The following CNTN5 variants were observed in gnomAD, a reference collection of about 807,000 sequenced individuals.
CNTN5 encodes contactin 5.
A neutral mutation model predicts 129.1 loss-of-function variants in CNTN5; 77 were observed. The observed-to-expected ratio is 0.60, with a 90% CI of 0.50 to 0.72. The LOEUF is 0.72. Ranked by LOEUF, CNTN5 falls within the 30% of genes least tolerant of loss-of-function variation. The pLI is 0.00. For missense variants in CNTN5, 1,478 were observed against 1,328.8 expected (o/e 1.11, Z -1.75); for synonymous variants, 509 against 465.6 (o/e 1.09, Z -1.20).
At chr11:100,317,660 T>C (rs1951596285) in intron 21 of CNTN5, among the ~76,000 whole-genome samples, 1 of 152,182 alleles carries the variant, frequency 6.6e-6, no homozygotes, top group African/African-American at 2.4e-5. Context: ...CAAAAGCAAA[T>C]TGAAGTAATA....
At chr11:100,153,523 C>CGTATT (rs1947134941) in intron 13 of CNTN5, among the ~76,000 whole-genome samples, 2 of 151,848 alleles carry the variant, frequency 1.3e-5, no homozygotes, top group Non-Finnish European at 2.9e-5. Context: ...TGATGTACTT[C>CGTATT]GTATTCTTGT....
chr11:100,212,617 G>T (rs571239241), intron 15 of CNTN5, among the ~76,000 whole-genome samples: 1 of 152,252 alleles, frequency 6.6e-6, no homozygotes, highest in South Asian at 2.1e-4. Context: ...TTTCTAGTTA[G>T]CTGTACGACC....
At chr11:99,898,752 T>G (rs1949275173) in intron 6 of CNTN5, among the ~76,000 whole-genome samples, 1 of 151,996 alleles carries the variant, frequency 6.6e-6, no homozygotes, top group South Asian at 2.1e-4. Flanking sequence ...TTACTACTTT[T>G]TATCTTTATT....
chr11:99,786,053 G>A (rs1355339772), intron 3 of CNTN5, among the ~76,000 whole-genome samples: 2 of 152,098 alleles, frequency 1.3e-5, no homozygotes, highest in Non-Finnish European at 2.9e-5. Flanking sequence ...TAGGAAGAGA[G>A]GAAGTCAAAT....
intron 6 of CNTN5, among the ~76,000 whole-genome samples, chr11:99,882,182 A>G (rs1392592391): frequency 6.6e-6 from 1 of 152,208 alleles, no homozygotes; most frequent in Non-Finnish European, 1.5e-5. Context: ...ATACATAGAT[A>G]ACACCCTTAA....
intron 3 of CNTN5, among the ~76,000 whole-genome samples, chr11:99,713,008 C>G (rs879961552): frequency 6.6e-6 from 1 of 151,766 alleles, no homozygotes; most frequent in Non-Finnish European, 1.5e-5. Context: ...TTGTTTTTGC[C>G]AATTCTGTGA....
chr11:99,991,000 G>T (rs1282684941), intron 8 of CNTN5, among the ~76,000 whole-genome samples: 1 of 152,158 alleles, frequency 6.6e-6, no homozygotes, highest in Non-Finnish European at 1.5e-5. Flanking sequence ...ATCACAGGTA[G>T]ATATTTAATA....
intron 1 of CNTN5, among the ~76,000 whole-genome samples, chr11:99,293,575 T>G (rs990060824): frequency 6.6e-6 from 1 of 152,160 alleles, no homozygotes; most frequent in African/African-American, 2.4e-5. Context: ...GGGAGAACTT[T>G]TATTACTACT....
At chr11:99,830,541 C>A (rs183085566) in intron 4 of CNTN5, among the ~76,000 whole-genome samples, 1 of 152,074 alleles carries the variant, frequency 6.6e-6, no homozygotes, top group African/African-American at 2.4e-5. Flanking sequence ...GTTTGAGAGA[C>A]ACAAGCACAA....
intron 16 of CNTN5, 28 bp from the exon 17 acceptor site, chr11:100,255,732 A>T (rs1565375366): frequency 4.4e-6 from 7 of 1,600,370 alleles, no homozygotes; most frequent in African/African-American, 1.3e-5. Flanking sequence ...ATTTGTGCTT[A>T]ACTTTATCCA....
At chr11:100,268,171 G>C (rs1166772600) in intron 17 of CNTN5, among the ~76,000 whole-genome samples, 5 of 152,110 alleles carry the variant, frequency 3.3e-5, no homozygotes, top group Admixed American at 3.3e-4. Context: ...GAGATAAAGA[G>C]TTCCATTTGA....
At chr11:100,136,675 G>T (rs903882827) in intron 13 of CNTN5, among the ~76,000 whole-genome samples, 1 of 151,648 alleles carries the variant, frequency 6.6e-6, no homozygotes, top group Admixed American at 6.6e-5. Flanking sequence ...CTAAACAAAG[G>T]TAAAAGGATC....
chr11:99,628,236 A>C (rs200920610), intron 3 of CNTN5, among the ~76,000 whole-genome samples: 1 of 111,488 alleles, frequency 9.0e-6, no homozygotes, highest in Middle Eastern at 4.5e-3. Flanking sequence ...TAGTATTTTT[A>C]GGGTAAACAT....
At chr11:99,295,870 G>A (rs965623307) in intron 1 of CNTN5, among the ~76,000 whole-genome samples, 21 of 128,906 alleles carry the variant, frequency 1.6e-4, no homozygotes, top group African/African-American at 5.4e-4. Flanking sequence ...GCGACAGAGC[G>A]AGACTCCGTC....
At chr11:100,319,636 G>A (rs1241653853) in intron 21 of CNTN5, among the ~76,000 whole-genome samples, 1 of 152,168 alleles carries the variant, frequency 6.6e-6, no homozygotes, top group Admixed American at 6.5e-5. Flanking sequence ...ATTAATTAGA[G>A]TCACAATGTT....
At position 100,123,085 on chromosome 11, in the gene CNTN5, T is replaced by C. The variant is rs573379960; in HGVS notation, c.1580+48791T>C. Among the ~76,000 whole-genome samples the C allele has an allele frequency of 1.4e-4, 21 of 152,126 alleles. No individual in the cohort carries two copies. In the South Asian group the frequency reaches 4.1e-3, roughly 30 times the overall value. The stretch of plus-strand genomic sequence containing the variant: ...TTTAAGGACCAAAACATTATATAAA[T>C]AGTTTACCAGAAGTATATTCCTACA... On this transcript the variant is annotated intron_variant, in intron 13 of 24. Coordinates refer to ENST00000524871, the MANE Select transcript of CNTN5 (RefSeq NM_014361.4).
At chr11:99,946,510 A>G (rs149361176) in intron 7 of CNTN5, among the ~76,000 whole-genome samples, 2 of 152,240 alleles carry the variant, frequency 1.3e-5, no homozygotes, top group African/African-American at 4.8e-5. Context: ...AGAAAAACTG[A>G]TAAAGACTGA....
At chr11:100,193,701 CTT>C in intron 15 of CNTN5, 38 bp downstream of exon 15, 2 of 1,564,840 alleles carry the variant, frequency 1.3e-6, no homozygotes, top group South Asian at 2.4e-5. Context: ...GTAATGATAA[CTT>C]TAGAAATTTT....
intron 2 of CNTN5, among the ~76,000 whole-genome samples, chr11:99,378,148 A>T (rs1940302869): frequency 6.6e-6 from 1 of 152,050 alleles, no homozygotes; most frequent in Non-Finnish European, 1.5e-5. Flanking sequence ...TTACCCTTAA[A>T]ATTTGTGGGA....
Sources: allele counts gnomAD v4.1 joint callset (sites outside exome capture counted in the v4.1 genomes callset), GRCh38; gene constraint gnomAD v4.1.1; transcripts MANE v1.5; gene names NCBI Gene and HGNC (gene_info 2026-07-23, HGNC 2026-07-21).